The following LRRC4C variants were observed in gnomAD, a reference collection of about 807,000 sequenced individuals.
LRRC4C encodes the protein leucine-rich repeat-containing protein 4C.
In LRRC4C, 5 loss-of-function variants were observed where a neutral mutation model predicts 33.6. That is an observed-to-expected ratio of 0.15 (90% CI 0.08 to 0.31). The LOEUF (loss-of-function observed/expected upper bound fraction) is 0.31, where lower values mean the gene tolerates loss of function less well. LRRC4C is among the 10% of genes least tolerant of loss of function. LRRC4C has a pLI of 1.00. For synonymous variants in LRRC4C, 329 were observed against 302.0 expected (o/e 1.09, Z -0.93); for missense variants, 560 against 796.7 (o/e 0.70, Z 3.58).
At chr11:40,519,811 A>G (rs1955733050) in intron 3 of LRRC4C, among the ~76,000 whole-genome samples, 1 of 152,196 alleles carries the variant, frequency 6.6e-6, no homozygotes, top group Non-Finnish European at 1.5e-5. Flanking sequence ...ATTACTTCGA[A>G]AACATAAAAG....
At chr11:40,735,698 G>A (rs1398434263) in intron 2 of LRRC4C, among the ~76,000 whole-genome samples, 1 of 144,304 alleles carries the variant, frequency 6.9e-6, no homozygotes, top group East Asian at 2.0e-4. Flanking sequence ...TGGGTCAAAC[G>A]GTATTTCTAG....
chr11:40,250,878 G>A (rs1421543428), intron 4 of LRRC4C, among the ~76,000 whole-genome samples: 1 of 152,118 alleles, frequency 6.6e-6, no homozygotes, highest in East Asian at 1.9e-4. Flanking sequence ...ATCTTCATAT[G>A]AACTTGTGAT....
At chr11:41,012,981 C>CT (rs1855318981) in intron 1 of LRRC4C, among the ~76,000 whole-genome samples, 1 of 152,116 alleles carries the variant, frequency 6.6e-6, no homozygotes, top group South Asian at 2.1e-4. Flanking sequence ...GGTTAATAAT[C>CT]TTTTTTCATA....
chr11:40,122,549 A>C (rs1238210205), intron 6 of LRRC4C, among the ~76,000 whole-genome samples: 3 of 152,100 alleles, frequency 2.0e-5, no homozygotes, highest in Non-Finnish European at 4.4e-5. Context: ...TCGAATTCTT[A>C]ATAAATTCTG....
chr11:40,521,810 A>C (rs1955827857), intron 3 of LRRC4C, among the ~76,000 whole-genome samples: 1 of 152,128 alleles, frequency 6.6e-6, no homozygotes, highest in Non-Finnish European at 1.5e-5. Flanking sequence ...TGGAAATTGC[A>C]GGGAGCTGAG....
intron 1 of LRRC4C, among the ~76,000 whole-genome samples, chr11:41,398,838 A>G (rs2922021): frequency 0.83 from 126,700 of 151,768 alleles, 52,996 homozygotes; most frequent in East Asian, 0.87. Context: ...TTGATGTTTA[A>G]GATATCATGA....
At chr11:40,770,909 C>T (rs1038378134) in intron 2 of LRRC4C, among the ~76,000 whole-genome samples, 5 of 152,142 alleles carry the variant, frequency 3.3e-5, no homozygotes, top group African/African-American at 1.2e-4. Context: ...AACCCCCCCT[C>T]CCAGCTGTTT....
At chr11:41,125,744 A>G (rs1016801065) in intron 1 of LRRC4C, among the ~76,000 whole-genome samples, 1 of 152,200 alleles carries the variant, frequency 6.6e-6, no homozygotes, top group African/African-American at 2.4e-5. Context: ...GGAACAGTTC[A>G]ACCCACAGCA....
At chr11:40,604,737 T>C (rs1960386392) in intron 3 of LRRC4C, among the ~76,000 whole-genome samples, 1 of 151,626 alleles carries the variant, frequency 6.6e-6, no homozygotes, top group Admixed American at 6.6e-5. Flanking sequence ...GAATCTCAGA[T>C]AGGAGAATAT....
chr11:40,740,570 A>G (rs768794895), intron 2 of LRRC4C, among the ~76,000 whole-genome samples: 2 of 151,976 alleles, frequency 1.3e-5, no homozygotes, highest in Non-Finnish European at 2.9e-5. Context: ...TAGTTTGCAT[A>G]TATTTTCCCC....
At chr11:41,264,406 A>T (rs28443470) in intron 1 of LRRC4C, among the ~76,000 whole-genome samples, 6,923 of 152,200 alleles carry the variant, frequency 0.045, 201 homozygotes, top group South Asian at 0.074. Context: ...TTCCTTTTAA[A>T]GACAATTTGC....
At chr11:40,832,335 A>G (rs1020621509) in intron 2 of LRRC4C, among the ~76,000 whole-genome samples, 1 of 152,322 alleles carries the variant, frequency 6.6e-6, no homozygotes, top group Non-Finnish European at 1.5e-5. Flanking sequence ...TGTATAAAAA[A>G]TATGATAGGT....
intron 2 of LRRC4C, among the ~76,000 whole-genome samples, chr11:40,750,944 G>T (rs555168800): frequency 6.6e-6 from 1 of 152,090 alleles, no homozygotes; most frequent in Admixed American, 6.6e-5. Context: ...TTTACATCAT[G>T]GTTTGTAAAT....
At chr11:40,188,463 A>G (rs1452406564) in intron 5 of LRRC4C, among the ~76,000 whole-genome samples, 1 of 152,158 alleles carries the variant, frequency 6.6e-6, no homozygotes, top group Non-Finnish European at 1.5e-5. Context: ...AGAAATGCAA[A>G]CTGTTATTAT....
At chr11:40,759,632 C>A (rs961822667) in intron 2 of LRRC4C, among the ~76,000 whole-genome samples, 1 of 151,890 alleles carries the variant, frequency 6.6e-6, no homozygotes, top group Non-Finnish European at 1.5e-5. Flanking sequence ...GCCTATTACA[C>A]CAGTAATGAA....
At chr11:40,691,569 G>A (rs1410276759) in intron 2 of LRRC4C, among the ~76,000 whole-genome samples, 1 of 152,090 alleles carries the variant, frequency 6.6e-6, no homozygotes, top group Non-Finnish European at 1.5e-5. Flanking sequence ...AATACTCAGA[G>A]AAGAAATAAT....
At chr11:40,756,370 G>A (rs1170305335) in intron 2 of LRRC4C, among the ~76,000 whole-genome samples, 2 of 152,020 alleles carry the variant, frequency 1.3e-5, no homozygotes, top group African/African-American at 4.8e-5. Context: ...AATTAAAAAT[G>A]ATTCACCTCT....
At chr11:40,537,220 AAG>A (rs778804371) in intron 3 of LRRC4C, among the ~76,000 whole-genome samples, 1 of 152,192 alleles carries the variant, frequency 6.6e-6, no homozygotes, top group African/African-American at 2.4e-5. Flanking sequence ...TCCGTAAGAA[AAG>A]AGAGTCTGTG....
chr11:40,595,768 T>C (rs1959228348), intron 3 of LRRC4C, among the ~76,000 whole-genome samples: 1 of 152,128 alleles, frequency 6.6e-6, no homozygotes, highest in South Asian at 2.1e-4. Flanking sequence ...AGCCTGTGTA[T>C]ATTTCTGACT....
Sources: gnomAD v4.1 joint callset for allele counts (sites outside exome capture counted in the v4.1 genomes callset) on GRCh38, gnomAD v4.1.1 for gene constraint, MANE v1.5 for transcripts, NCBI Gene and HGNC (gene_info 2026-07-23, HGNC 2026-07-21) for gene names.